The following SLC25A22 variants were observed in gnomAD, a reference collection of about 807,000 sequenced individuals.
SLC25A22 encodes the protein mitochondrial glutamate carrier 1.
Under a neutral mutation model 33.7 loss-of-function variants are expected in SLC25A22, and 23 were observed. The ratio of observed to expected loss-of-function variants is 0.68; its 90% CI spans 0.49 to 0.97. The LOEUF is 0.97. Among genes scored for constraint, SLC25A22 ranks in the 50% least tolerant of loss-of-function variants. SLC25A22 has a pLI of 0.00. For synonymous variants in SLC25A22, 245 were observed against 203.8 expected (o/e 1.20, Z -1.72); for missense variants, 390 against 451.1 (o/e 0.86, Z 1.23).
At position 792,319 on chromosome 11, in the gene SLC25A22, C is replaced by T. The variant is rs747058208; in HGVS notation, c.727G>A (p.Val243Ile). Residue 243 changes from valine to isoleucine, a missense_variant, in exon 8 of 10, where the codon GTC becomes ATC. By Grantham distance (29) the Val-to-Ile change is conservative (BLOSUM62 3). Coordinates refer to ENST00000628067, the MANE Select transcript of SLC25A22 (RefSeq NM_001191061.2). ...ATGCACTGACCATCACAGGGGTTGA[C>T]GGCCACAGCGGCGGCACTCCCAGCC... ...CVAGSAAAVA[V>I]NPCDVVKTRL... 7 of 1,613,182 alleles carry T rather than the reference C, an allele frequency of 4.3e-6. No individual in the cohort carries two copies. The highest frequency in any genetic ancestry group is 4.5e-5 in the East Asian group (2 of 44,876).
rs1864720719 is a variant in SLC25A22, at chr11:794,890, T to C, written c.32A>G (p.Lys11Arg). Residue 11 changes from lysine to arginine, a missense_variant, in exon 3 of 10, where the codon AAG (lysine) becomes AGG (arginine). Physicochemically the swap from Lys to Arg is conservative, Grantham distance 26. Coordinates refer to ENST00000628067, the MANE Select transcript of SLC25A22 (RefSeq NM_001191061.2). MADKQISLPA[K>R]LINGGIAGLI... ...CCCGGCGATGCCGCCATTGATGAGC[T>C]TGGCTGGCAGGCTGTGTGGACAGGG... 1.3e-6 allele frequency: 2 copies of C among 1,566,104 alleles called. No homozygotes were observed. The highest frequency in any genetic ancestry group is 8.7e-7 in the Non-Finnish European group (1 of 1,155,262).
In SLC25A22 at chr11:794,859, G is replaced by C. The variant is rs555824464; in HGVS notation, c.63C>G (p.Ile21Met). 6.4e-7 allele frequency: 1 copy of C among 1,574,374 alleles called. No individual in the cohort carries two copies. Among genetic ancestry groups the C allele is most frequent in the Non-Finnish European group, 8.6e-7 (1 of 1,160,294 alleles). The change falls in exon 3 of 10, where the codon ATC becomes ATG. Residue 21 changes from isoleucine to methionine, a missense_variant. By Grantham distance (10) the Ile-to-Met change is conservative. Coordinates refer to ENST00000628067, the MANE Select transcript of SLC25A22 (RefSeq NM_001191061.2). The stretch of plus-strand genomic sequence containing the variant: ...CGATGGGAAACACGCAGGTGACACC[G>C]ATCAGCCCGGCGATGCCGCCATTGA... The part of the protein sequence containing the change: ...KLINGGIAGL[I>M]GVTCVFPIDL...
intron 1 of SLC25A22, chr11:796,006 C>CT (rs1565042102): frequency 6.6e-6 from 1 of 152,330 alleles, no homozygotes; most frequent in Admixed American, 6.5e-5. Context: ...CCTTTCCCCC[C>CT]TCCCTGGGCC....
intron 1 of SLC25A22, among the ~76,000 whole-genome samples, chr11:797,240 C>T (rs147879150): frequency 6.6e-6 from 1 of 152,204 alleles, no homozygotes; most frequent in African/African-American, 2.4e-5. Flanking sequence ...TCACCCAGTG[C>T]AGCGGAGAGG....
At position 791,628 on chromosome 11, in the gene SLC25A22, C is replaced by T. The variant is rs1350315510; in HGVS notation, c.*287G>A. 4.0e-6 allele frequency: 2 copies of T among 504,422 alleles called. No homozygotes were observed. The highest frequency in any genetic ancestry group is 3.7e-5 in the East Asian group (1 of 27,204). 31.2% of individuals were successfully genotyped at this position (504,422 alleles called of 1,614,324 possible). On this transcript the variant is annotated 3_prime_UTR_variant, in exon 10 of 10. Transcript: ENST00000628067. Reference sequence around the variant, plus strand: ...CCCCCAGCCCAGAGACCAGCTCTGTCCCTGGGGGTGTTCAGGCCAGGGCAG... The same window carrying T: ...CCCCCAGCCCAGAGACCAGCTCTGTTCCTGGGGGTGTTCAGGCCAGGGCAG...
intron 4 of SLC25A22, 68 bp from the exon 5 acceptor site, chr11:793,687 C>T: frequency 8.9e-7 from 1 of 1,125,068 alleles, no homozygotes; most frequent in Non-Finnish European, 1.3e-6. Context: ...TTGGCCAGGA[C>T]TTGCCTCCTG....
At chr11:796,539 G>C (rs1260624880) in intron 1 of SLC25A22, among the ~76,000 whole-genome samples, 1 of 152,162 alleles carries the variant, frequency 6.6e-6, no homozygotes, top group Non-Finnish European at 1.5e-5. Context: ...GATCTGTCTA[G>C]GGCTGGTACT....
Position 794,641 on chromosome 11 carries a change from C to T in SLC25A22, c.147-128G>A, listed in dbSNP as rs74045130. ...CAGCCCCGACCCCAGTCCTGACCCA[C>T]GTGGGATCTCCCCTAGGCCCGCCTG... is the stretch of plus-strand genomic sequence containing the variant. On this transcript the variant is annotated intron_variant, in intron 3 of 9. Transcript: ENST00000628067. 3.5e-3 allele frequency: 5,257 copies of T among 1,520,360 alleles called. 151 individuals carry two copies. In the African/African-American group the frequency reaches 0.063, roughly 18 times the overall value. 94.2% of individuals were successfully genotyped at this position (1,520,360 alleles called of 1,614,324 possible). A position where few individuals can be genotyped will look rare whatever the true frequency, so the allele number is the denominator to read the frequency against.
At chr11:797,717 C>A in intron 1 of SLC25A22, 1 of 398,682 alleles carries the variant, frequency 2.5e-6, no homozygotes, top group East Asian at 3.6e-5. Flanking sequence ...ATCCTGCTGG[C>A]TGGAGGGTCC....
At position 791,884 on chromosome 11, in the gene SLC25A22, C is replaced by G. The variant is rs1864537648; in HGVS notation, c.*31G>C. 6.4e-7 allele frequency: 1 copy of G among 1,569,498 alleles called. No homozygotes were observed. Among genetic ancestry groups the G allele is most frequent in the Admixed American group, 1.8e-5 (1 of 56,334 alleles). Reference sequence around the variant, plus strand: ...GGCTCCAGCCCCACACCGGCCCTGCCCAGCTGGCTGGGGTGGAGCGGGTGC... The same window carrying G: ...GGCTCCAGCCCCACACCGGCCCTGCGCAGCTGGCTGGGGTGGAGCGGGTGC... On this transcript the variant is annotated 3_prime_UTR_variant, in exon 10 of 10. Coordinates refer to ENST00000628067, the MANE Select transcript of SLC25A22 (RefSeq NM_001191061.2).
At chr11:797,030 C>T (rs903517910) in intron 1 of SLC25A22, among the ~76,000 whole-genome samples, 2 of 152,156 alleles carry the variant, frequency 1.3e-5, no homozygotes, top group Non-Finnish European at 2.9e-5. Flanking sequence ...CTAGTCCCTC[C>T]CAGGGGTGTA....
chr11:796,861 C>T (rs1590125852), intron 1 of SLC25A22, among the ~76,000 whole-genome samples: 1 of 152,318 alleles, frequency 6.6e-6, no homozygotes, highest in Middle Eastern at 3.4e-3. Flanking sequence ...AGGGCTTCAC[C>T]GTCAGACCTG....
chr11:794,720 A>C (rs1864705857), intron 3 of SLC25A22, 56 bp downstream of exon 3: 4 of 1,575,750 alleles, frequency 2.5e-6, no homozygotes, highest in Non-Finnish European at 3.4e-6. Context: ...CAGAGCCCCC[A>C]CCTCTCCTGC....
chr11:792,530 C>T (rs767882669), intron 7 of SLC25A22, 23 bp downstream of exon 7: 1 of 1,612,468 alleles, frequency 6.2e-7, no homozygotes, highest in Non-Finnish European at 8.5e-7. Flanking sequence ...CTTCCCTCCC[C>T]CCACCTGCCC....
chr11:792,183 G>GAGAGGGCAGGAGA lies in SLC25A22; in HGVS notation c.776_777insTCTCCTGCCCTCT (p.Val260LeufsTer161). 1 of 1,612,906 alleles carries GAGAGGGCAGGAGA rather than the reference G, an allele frequency of 6.2e-7. No individual in the cohort carries two copies. On this transcript the variant is annotated frameshift_variant, in exon 9 of 10. Transcript: ENST00000628067. LOFTEE classifies it high-confidence loss of function. The stretch of plus-strand genomic sequence containing the variant: ...TCCCAGAGTAGGTGTCCTCGTTGAC[G>GAGAGGGCAGGAGA]CCTCGCTGAAGTGACTGGAGCCGCG...
Position 794,913 on chromosome 11 carries a change from G to A in SLC25A22, c.21-12C>T, listed in dbSNP as rs1206125225. 2 of 1,564,642 alleles carry A rather than the reference G, an allele frequency of 1.3e-6. No homozygotes were observed. Among genetic ancestry groups the A allele is most frequent in the South Asian group, 1.2e-5 (1 of 85,018 alleles). On this transcript the variant is annotated splice_polypyrimidine_tract_variant and intron_variant, in intron 2 of 9. Coordinates refer to ENST00000628067, the MANE Select transcript of SLC25A22 (RefSeq NM_001191061.2). Reference sequence around the variant, plus strand: ...GCTTGGCTGGCAGGCTGTGTGGACAGGGGTGTCAGGACCGGCTTCCTTGAC... The same window carrying A: ...GCTTGGCTGGCAGGCTGTGTGGACAAGGGTGTCAGGACCGGCTTCCTTGAC...
intron 6 of SLC25A22, 21 bp from the exon 7 acceptor site, chr11:792,748 G>GTC (rs1298619374): frequency 1.3e-6 from 2 of 1,545,080 alleles, no homozygotes; most frequent in Admixed American, 1.9e-5. Flanking sequence ...AGAGGCTGCT[G>GTC]TCTCCTCTTC....
chr11:791,897 G>T lies in SLC25A22; in HGVS notation c.*18C>A. The T allele has an allele frequency of 6.3e-7, 1 of 1,581,718 alleles. No homozygotes were observed. On this transcript the variant is annotated 3_prime_UTR_variant, in exon 10 of 10. Transcript: ENST00000628067. ...CACCGGCCCTGCCCAGCTGGCTGGG[G>T]TGGAGCGGGTGCTGGGCTCAGGCCT...
intron 1 of SLC25A22, among the ~76,000 whole-genome samples, chr11:796,841 C>T (rs796467291): frequency 2.2e-4 from 34 of 152,326 alleles, no homozygotes; most frequent in African/African-American, 7.7e-4. Flanking sequence ...CCCCACCACC[C>T]GTCCCACTCA....
Sources: allele counts gnomAD v4.1 joint callset (sites outside exome capture counted in the v4.1 genomes callset), GRCh38; gene constraint gnomAD v4.1.1; transcripts MANE v1.5; gene names NCBI Gene and HGNC (gene_info 2026-07-23, HGNC 2026-07-21).